Variants in CSPP1 observed in about 807,000 individuals in gnomAD.
CSPP1 encodes centrosome and spindle pole-associated protein 1.
In CSPP1, 126 loss-of-function variants were observed where a neutral mutation model predicts 164.4. The ratio of observed to expected loss-of-function variants is 0.77; its 90% CI spans 0.66 to 0.89. CSPP1 has a LOEUF of 0.89. Among genes scored for constraint, CSPP1 ranks in the 40% least tolerant of loss-of-function variants. The pLI is 0.00. For synonymous variants in CSPP1, 472 were observed against 476.7 expected (o/e 0.99, Z 0.13); for missense variants, 1,395 against 1,449.8 (o/e 0.96, Z 0.61).
chr8:67,194,630 CTTT>C (rs1837375306), intron 30 of CSPP1, among the ~76,000 whole-genome samples: 1 of 150,656 alleles, frequency 6.6e-6, no homozygotes, highest in African/African-American at 2.4e-5. Flanking sequence ...CAAACAGGAG[CTTT>C]TTGTTATTAT....
At chr8:67,184,406 C>G (rs555795605) in intron 28 of CSPP1, among the ~76,000 whole-genome samples, 2 of 152,136 alleles carry the variant, frequency 1.3e-5, no homozygotes, top group Admixed American at 1.3e-4. Context: ...TCTAGCCAAG[C>G]TAATAAAAGA....
intron 7 of CSPP1, among the ~76,000 whole-genome samples, chr8:67,100,341 A>G (rs1390268041): frequency 6.6e-6 from 1 of 152,176 alleles, no homozygotes. Context: ...TTTACTATCT[A>G]TATACACTGA....
At chr8:67,079,379 TA>T (rs1169573111) in intron 3 of CSPP1, among the ~76,000 whole-genome samples, 2 of 152,210 alleles carry the variant, frequency 1.3e-5, no homozygotes, top group Non-Finnish European at 2.9e-5. Flanking sequence ...GCTGGCTGCC[TA>T]GTCATCCTTG....
chr8:67,141,431 T>C (rs980921499), intron 17 of CSPP1, among the ~76,000 whole-genome samples: 2 of 152,230 alleles, frequency 1.3e-5, no homozygotes, highest in Non-Finnish European at 2.9e-5. Context: ...TTTTATCAAA[T>C]ACAGTATAAC....
chr8:67,077,619 GT>G (rs1353177747), intron 3 of CSPP1, among the ~76,000 whole-genome samples: 1 of 152,240 alleles, frequency 6.6e-6, no homozygotes, highest in Non-Finnish European at 1.5e-5. Context: ...GGTTACAGGC[GT>G]GAGCCACTGT....
At chr8:67,113,302 A>G (rs1339610004) in intron 10 of CSPP1, among the ~76,000 whole-genome samples, 1 of 152,158 alleles carries the variant, frequency 6.6e-6, no homozygotes, top group African/African-American at 2.4e-5. Flanking sequence ...TTTTGAGAGA[A>G]TTTGAGACCT....
chr8:67,123,188 C>T (rs1185159148), intron 15 of CSPP1: 1 of 152,240 alleles, frequency 6.6e-6, no homozygotes, highest in African/African-American at 2.4e-5. Flanking sequence ...TGAGCCACCA[C>T]ACCCGGACTC....
intron 26 of CSPP1, among the ~76,000 whole-genome samples, chr8:67,176,325 G>A (rs1470933380): frequency 6.6e-6 from 1 of 152,160 alleles, no homozygotes; most frequent in Admixed American, 6.5e-5. Context: ...TGGGAGGCTG[G>A]TCTGGCTTGC....
chr8:67,127,759 C>T (rs1385431475), intron 15 of CSPP1, among the ~76,000 whole-genome samples: 1 of 152,170 alleles, frequency 6.6e-6, no homozygotes, highest in Non-Finnish European at 1.5e-5. Context: ...AATCCTAATT[C>T]CCATCCTCAG....
At chr8:67,155,347 A>G (rs1826468167) in intron 19 of CSPP1, among the ~76,000 whole-genome samples, 1 of 152,202 alleles carries the variant, frequency 6.6e-6, no homozygotes, top group African/African-American at 2.4e-5. Flanking sequence ...TTCTTTGCCT[A>G]CAGAAATTAT....
chr8:67,183,945 C>T (rs569118786), intron 28 of CSPP1, among the ~76,000 whole-genome samples: 1 of 150,662 alleles, frequency 6.6e-6, no homozygotes, highest in Non-Finnish European at 1.5e-5. Context: ...CTCCGCCTCC[C>T]GGGTTCAAGC....
intron 7 of CSPP1, among the ~76,000 whole-genome samples, chr8:67,097,169 A>G (rs550980988): frequency 6.6e-6 from 1 of 152,312 alleles, no homozygotes; most frequent in East Asian, 1.9e-4. Flanking sequence ...GTGTTAATAC[A>G]TTTTGAGTAG....
intron 4 of CSPP1, among the ~76,000 whole-genome samples, chr8:67,089,832 G>T (rs1423903298): frequency 6.9e-6 from 1 of 144,016 alleles, no homozygotes; most frequent in African/African-American, 2.6e-5. Context: ...ATAAAAAAAA[G>T]TTTTTTTTTT....
chr8:67,159,409 A>G (rs953904118), intron 21 of CSPP1, among the ~76,000 whole-genome samples: 2 of 151,504 alleles, frequency 1.3e-5, no homozygotes, highest in Non-Finnish European at 2.9e-5. Flanking sequence ...GCCACCCAAG[A>G]ATATGGTCTG....
chr8:67,141,982 G>A (rs1024438154), intron 17 of CSPP1, among the ~76,000 whole-genome samples: 1 of 152,056 alleles, frequency 6.6e-6, no homozygotes, highest in Non-Finnish European at 1.5e-5. Flanking sequence ...TTATTCCAAA[G>A]AAATTAATAA....
chr8:67,129,901 T>A (rs1286661612), intron 15 of CSPP1, among the ~76,000 whole-genome samples: 3 of 152,218 alleles, frequency 2.0e-5, no homozygotes, highest in Non-Finnish European at 4.4e-5. Context: ...GTTATAAAAA[T>A]GTTCTAAAAC....
chr8:67,183,923 G>T (rs1833693747), intron 28 of CSPP1, among the ~76,000 whole-genome samples: 1 of 144,430 alleles, frequency 6.9e-6, no homozygotes, highest in African/African-American at 2.7e-5. Context: ...CGTGATCTTG[G>T]CTCACTGCAA....
At chr8:67,091,272 C>A (rs1052485435) in intron 4 of CSPP1, among the ~76,000 whole-genome samples, 1 of 152,292 alleles carries the variant, frequency 6.6e-6, no homozygotes, top group East Asian at 1.9e-4. Context: ...GCTGCCTCTA[C>A]TACACTGCAT....
intron 17 of CSPP1, among the ~76,000 whole-genome samples, chr8:67,138,663 T>C (rs866314495): frequency 6.6e-6 from 1 of 152,164 alleles, no homozygotes. Flanking sequence ...TAGGAATAGA[T>C]GAGTGATAGA....
Sources: allele counts gnomAD v4.1 joint callset (sites outside exome capture counted in the v4.1 genomes callset), GRCh38; gene constraint gnomAD v4.1.1; transcripts MANE v1.5; gene names NCBI Gene and HGNC (gene_info 2026-07-23, HGNC 2026-07-21).